PLCB1: variants seen among roughly 807,000 people sequenced by gnomAD.
The protein encoded by PLCB1 is phospholipase C beta 1.
PLCB1 carries 46 observed loss-of-function variants against 161.8 expected under a neutral mutation model. The observed-to-expected ratio is 0.28, with a 90% CI of 0.22 to 0.36. The LOEUF (loss-of-function observed/expected upper bound fraction) is 0.36. PLCB1 is among the 10% of genes least tolerant of loss of function. The probability of loss-of-function intolerance (pLI) is 1.00; values close to 1 mark genes in which losing one functional copy is unlikely to be tolerated. For synonymous variants in PLCB1, 517 were observed against 503.7 expected, an observed-to-expected ratio of 1.03 and a Z score of -0.35; for missense variants, 1,016 against 1,472.5, an observed-to-expected ratio of 0.69 and a Z score of 5.07.
chr20:8,489,600 G>A (rs1181226524), intron 3 of PLCB1, among the ~76,000 whole-genome samples: 1 of 152,078 alleles, frequency 6.6e-6, no homozygotes, highest in Non-Finnish European at 1.5e-5. Context: ...GCAAGTTCTG[G>A]TTTGGGTCAA....
chr20:8,699,589 G>A lies in PLCB1; in HGVS notation c.1167+1806G>A, dbSNP rs567345863. Among the ~76,000 whole-genome samples the A allele has an allele frequency of 2.6e-5, 4 of 152,310 alleles. No individual in the cohort carries two copies. The South Asian group carries it at 8.3e-4, about 32-fold the overall frequency. ...CAGCTTCTTAATGTGAAACACTTGA[G>A]ATGTGAGAAAATAAACAGTGATCAC... On this transcript the variant is annotated intron_variant, in intron 11 of 31. Coordinates refer to ENST00000338037, the MANE Select transcript of PLCB1 (RefSeq NM_015192.4).
At chr20:8,297,274 G>A (rs756829891) in intron 2 of PLCB1, among the ~76,000 whole-genome samples, 13 of 151,770 alleles carry the variant, frequency 8.6e-5, no homozygotes, top group East Asian at 1.9e-4. Context: ...ATAAAATTGC[G>A]GATAAGATGG....
intron 24 of PLCB1, among the ~76,000 whole-genome samples, chr20:8,757,556 CCT>C (rs1981801897): frequency 1.3e-5 from 2 of 152,276 alleles, no homozygotes; most frequent in South Asian, 4.2e-4. Context: ...GGCTCCTTTC[CCT>C]CTTTCTCCAA....
chr20:8,439,960 A>G (rs752775071), intron 3 of PLCB1, among the ~76,000 whole-genome samples: 1 of 152,150 alleles, frequency 6.6e-6, no homozygotes, highest in Non-Finnish European at 1.5e-5. Context: ...TTGTAGGCTT[A>G]TATGTGGATG....
At chr20:8,763,329 G>T (rs1293565406) in intron 25 of PLCB1, among the ~76,000 whole-genome samples, 1 of 152,108 alleles carries the variant, frequency 6.6e-6, no homozygotes, top group African/African-American at 2.4e-5. Flanking sequence ...AGCCTCCCGA[G>T]TGGCTGGGAT....
At chr20:8,562,233 C>G (rs1048462215) in intron 3 of PLCB1, among the ~76,000 whole-genome samples, 4 of 152,016 alleles carry the variant, frequency 2.6e-5, no homozygotes, top group African/African-American at 9.7e-5. Context: ...TTGAAATCAC[C>G]TGGAGCACCT....
At chr20:8,677,260 T>C (rs1055053702) in intron 9 of PLCB1, among the ~76,000 whole-genome samples, 1 of 151,774 alleles carries the variant, frequency 6.6e-6, no homozygotes, top group Non-Finnish European at 1.5e-5. Flanking sequence ...GGGTGGGGTA[T>C]GGTGGTGCAT....
intron 1 of PLCB1, among the ~76,000 whole-genome samples, chr20:8,137,592 C>T (rs959339759): frequency 7.2e-5 from 11 of 152,154 alleles, no homozygotes; most frequent in African/African-American, 2.7e-4. Flanking sequence ...AATAAAACTA[C>T]TTGAAACTTT....
At chr20:8,344,452 C>T (rs983500975) in intron 2 of PLCB1, among the ~76,000 whole-genome samples, 1 of 152,214 alleles carries the variant, frequency 6.6e-6, no homozygotes, top group East Asian at 1.9e-4. Flanking sequence ...AATTTGATTT[C>T]TCTATTGCAT....
At chr20:8,437,065 C>T (rs1980345648) in intron 3 of PLCB1, among the ~76,000 whole-genome samples, 3 of 152,172 alleles carry the variant, frequency 2.0e-5, no homozygotes, top group South Asian at 2.1e-4. Flanking sequence ...GCCGGGATTA[C>T]AGGCATGAGC....
At chr20:8,195,756 C>T (rs1415564021) in intron 2 of PLCB1, among the ~76,000 whole-genome samples, 1 of 152,060 alleles carries the variant, frequency 6.6e-6, no homozygotes, top group Non-Finnish European at 1.5e-5. Context: ...ACATCCTTGG[C>T]ACTTTTAAAA....
At chr20:8,743,391 A>G (rs1980984604) in intron 23 of PLCB1, among the ~76,000 whole-genome samples, 1 of 152,036 alleles carries the variant, frequency 6.6e-6, no homozygotes, top group Non-Finnish European at 1.5e-5. Flanking sequence ...CCATCCTTGC[A>G]TCTCTGGGAT....
chr20:8,747,668 A>T lies in PLCB1; in HGVS notation c.2523+6095A>T, dbSNP rs146026475. On this transcript the variant is annotated intron_variant, in intron 23 of 31. Coordinates refer to ENST00000338037, the MANE Select transcript of PLCB1 (RefSeq NM_015192.4). The stretch of plus-strand genomic sequence containing the variant: ...ATGCCTGTAGTCCCAGCTTCTCGGG[A>T]GCCTGAGGCAGGAGAATCGCCTGAG... 1.2e-4 allele frequency among the ~76,000 whole-genome samples: 18 copies of T among 152,266 alleles called. No individual in the cohort carries two copies. The East Asian group carries it at 3.5e-3, about 29-fold the overall frequency.
chr20:8,808,080 A>G (rs2146247880), intron 31 of PLCB1, among the ~76,000 whole-genome samples: 1 of 152,286 alleles, frequency 6.6e-6, no homozygotes, highest in Non-Finnish European at 1.5e-5. Context: ...TGACAATATG[A>G]AAAAGCCTGA....
intron 14 of PLCB1, among the ~76,000 whole-genome samples, chr20:8,719,614 C>T (rs1406160410): frequency 6.6e-6 from 1 of 152,078 alleles, no homozygotes; most frequent in African/African-American, 2.4e-5. Flanking sequence ...CTAATTTATG[C>T]TATTTATTAG....
At chr20:8,833,203 G>A (rs376236041) in intron 31 of PLCB1, among the ~76,000 whole-genome samples, 11 of 152,324 alleles carry the variant, frequency 7.2e-5, no homozygotes, top group African/African-American at 2.2e-4. Context: ...AGAAAAAGAG[G>A]TTTAATGGAC....
chr20:8,610,661 G>A (rs193251117), intron 3 of PLCB1, among the ~76,000 whole-genome samples: 54 of 152,108 alleles, frequency 3.6e-4, no homozygotes, highest in Non-Finnish European at 5.7e-4. Flanking sequence ...TCTCTTTGTT[G>A]TCTTTTTACC....
intron 1 of PLCB1, among the ~76,000 whole-genome samples, chr20:8,138,172 A>G (rs940614405): frequency 6.6e-6 from 1 of 152,218 alleles, no homozygotes; most frequent in Non-Finnish European, 1.5e-5. Flanking sequence ...CTTAACACTA[A>G]TATTTCCCCA....
chr20:8,450,800 G>A (rs36015690), intron 3 of PLCB1, among the ~76,000 whole-genome samples: 1 of 152,228 alleles, frequency 6.6e-6, no homozygotes, highest in East Asian at 1.9e-4. Context: ...AGAAGAACTG[G>A]TTCCTAGAAG....
Sources: gnomAD v4.1 joint callset for allele counts (sites outside exome capture counted in the v4.1 genomes callset) on GRCh38, gnomAD v4.1.1 for gene constraint, MANE v1.5 for transcripts, NCBI Gene and HGNC (gene_info 2026-07-23, HGNC 2026-07-21) for gene names.